The following PPP1R12B variants were observed in gnomAD, a reference collection of about 807,000 sequenced individuals.
The protein encoded by PPP1R12B is myosin phosphatase target subunit 2.
A neutral mutation model predicts 126.1 loss-of-function variants in PPP1R12B; 76 were observed. The observed-to-expected ratio is 0.60, with a 90% confidence interval of 0.50 to 0.73. PPP1R12B has a LOEUF of 0.73. Ranked by LOEUF, PPP1R12B falls within the 30% of genes least tolerant of loss-of-function variation. The pLI, the probability that PPP1R12B is intolerant of heterozygous loss-of-function variation, is 0.00. For synonymous variants in PPP1R12B, 356 were observed against 434.7 expected (o/e 0.82, Z 2.25); for missense variants, 1,052 against 1,205.1 (o/e 0.87, Z 1.88).
At chr1:202,447,759 A>C (rs1327329391) in intron 12 of PPP1R12B, among the ~76,000 whole-genome samples, 2 of 152,224 alleles carry the variant, frequency 1.3e-5, no homozygotes, top group East Asian at 3.8e-4. Flanking sequence ...AAAGAACTTC[A>C]GGTAAGGTTT....
At chr1:202,492,093 C>T (rs1458796662) in intron 14 of PPP1R12B, among the ~76,000 whole-genome samples, 1 of 152,136 alleles carries the variant, frequency 6.6e-6, no homozygotes, top group East Asian at 1.9e-4. Flanking sequence ...TGCCTTTTCT[C>T]CCTCCCCCTA....
chr1:202,392,450 G>A (rs560960633), intron 1 of PPP1R12B, among the ~76,000 whole-genome samples: 6 of 152,196 alleles, frequency 3.9e-5, no homozygotes, highest in African/African-American at 1.4e-4. Context: ...GTAGGTTGGT[G>A]GTTGCTTAGG....
chr1:202,433,819 C>T (rs1301594836), intron 8 of PPP1R12B, among the ~76,000 whole-genome samples: 2 of 152,186 alleles, frequency 1.3e-5, no homozygotes, highest in African/African-American at 4.8e-5. Context: ...TGTTTATGTC[C>T]CTCTAGCACT....
chr1:202,402,795 C>T (rs1282705506), intron 1 of PPP1R12B, among the ~76,000 whole-genome samples: 1 of 152,124 alleles, frequency 6.6e-6, no homozygotes, highest in East Asian at 1.9e-4. Flanking sequence ...AGACATTTGT[C>T]AAAACTTAGT....
chr1:202,551,716 G>T (rs919366637), intron 18 of PPP1R12B, among the ~76,000 whole-genome samples: 4 of 152,206 alleles, frequency 2.6e-5, no homozygotes, highest in Non-Finnish European at 4.4e-5. Flanking sequence ...ACATGAGCCT[G>T]TGAAGGCAGA....
At chr1:202,445,190 A>C in intron 12 of PPP1R12B, 1 of 1,246,808 alleles carries the variant, frequency 8.0e-7, no homozygotes, top group Admixed American at 4.2e-5. Context: ...GCCCTGCACC[A>C]ATCAGTGCAA....
intron 1 of PPP1R12B, 126 bp from the exon 2 acceptor site, chr1:202,416,661 A>G (rs930355436): frequency 2.7e-5 from 22 of 804,094 alleles, no homozygotes; most frequent in Non-Finnish European, 3.3e-5. Context: ...TGGACACAGT[A>G]TGGAAGAAAT....
At chr1:202,531,550 A>C (rs74852889) in intron 18 of PPP1R12B, among the ~76,000 whole-genome samples, 2 of 152,184 alleles carry the variant, frequency 1.3e-5, no homozygotes, top group Non-Finnish European at 2.9e-5. Context: ...GAAAAGTATC[A>C]GTTGAAAATA....
intron 18 of PPP1R12B, among the ~76,000 whole-genome samples, chr1:202,545,630 T>C (rs1037363087): frequency 1.3e-5 from 2 of 152,204 alleles, no homozygotes; most frequent in African/African-American, 4.8e-5. Flanking sequence ...CCTCAAAGAA[T>C]TGGCAGTCTA....
rs377723124 is a variant in PPP1R12B, at chr1:202,438,305, C to A, written c.1458+281C>A. ...TTACCTAAAGCAAAAAATGGATCAG[C>A]AACATAAAAATTTCAGTATGGCGGA... On this transcript the variant is annotated intron_variant, in intron 10 of 23. Transcript: ENST00000608999. The A allele has an allele frequency of 1.3e-4, 196 of 1,489,220 alleles. No individual in the cohort carries two copies. The African/African-American group carries it at 1.9e-3, about 14-fold the overall frequency. 92.3% of individuals were successfully genotyped at this position (1,489,220 alleles called of 1,614,324 possible).
At chr1:202,543,666 G>A (rs866284110) in intron 18 of PPP1R12B, among the ~76,000 whole-genome samples, 2 of 152,182 alleles carry the variant, frequency 1.3e-5, no homozygotes, top group Non-Finnish European at 2.9e-5. Context: ...GAACCCGGAA[G>A]GCGGGGGTTG....
chr1:202,447,522 A>G (rs1342249516), intron 12 of PPP1R12B, among the ~76,000 whole-genome samples: 1 of 152,258 alleles, frequency 6.6e-6, no homozygotes, highest in Non-Finnish European at 1.5e-5. Flanking sequence ...CAGAGAGTCT[A>G]CATTTAAGCA....
Position 202,493,143 on chromosome 1 carries a change from A to T in PPP1R12B, c.1971A>T (p.Ala657=), listed in dbSNP as rs773836835. The change falls in exon 15 of 24, where the codon GCA becomes GCT. Residue 657 remains alanine (A), a synonymous_variant. Coordinates refer to ENST00000608999, the MANE Select transcript of PPP1R12B (RefSeq NM_002481.4). ...QGVTLTDLQE[A]ERTFSRSRAE... ...TCACCCTAACAGACCTTCAAGAAGC[A>T]GAAAGGACATTCAGCCGGTCGAGGG... The T allele has an allele frequency of 3.1e-6, 5 of 1,612,084 alleles. No individual in the cohort carries two copies. Among genetic ancestry groups the T allele is most frequent in the Non-Finnish European group, 4.2e-6 (5 of 1,179,834 alleles).
intron 2 of PPP1R12B, among the ~76,000 whole-genome samples, chr1:202,421,301 CTTTTTTT>C (rs764287116): frequency 1.5e-5 from 2 of 136,770 alleles, no homozygotes; most frequent in African/African-American, 5.4e-5. Context: ...TTATCTCTCT[CTTTTTTT>C]TTTTTTTTTT....
At chr1:202,444,944 T>C (rs941576946) in intron 12 of PPP1R12B, 47 of 995,536 alleles carry the variant, frequency 4.7e-5, no homozygotes, top group Non-Finnish European at 5.9e-5. Flanking sequence ...CTTTCTTTGG[T>C]CTATATTCAT....
chr1:202,493,545 CCTT>C (rs1228479350), intron 15 of PPP1R12B, among the ~76,000 whole-genome samples: 3 of 152,036 alleles, frequency 2.0e-5, no homozygotes, highest in Non-Finnish European at 4.4e-5. Context: ...GAATAAATGT[CCTT>C]CTAGTCTAAA....
chr1:202,437,498 A>G (rs539996874), intron 9 of PPP1R12B, among the ~76,000 whole-genome samples: 94 of 152,328 alleles, frequency 6.2e-4, no homozygotes, highest in African/African-American at 2.0e-3. Context: ...AAGAAGGTAT[A>G]TTACTAGAAT....
At chr1:202,578,802 A>G (rs924229390) in intron 23 of PPP1R12B, among the ~76,000 whole-genome samples, 1 of 152,248 alleles carries the variant, frequency 6.6e-6, no homozygotes, top group Non-Finnish European at 1.5e-5. Context: ...CGAAAGTACA[A>G]AAATGGAAAT....
At chr1:202,526,438 G>A (rs1558333790) in intron 18 of PPP1R12B, among the ~76,000 whole-genome samples, 1 of 152,194 alleles carries the variant, frequency 6.6e-6, no homozygotes, top group Non-Finnish European at 1.5e-5. Flanking sequence ...TTTAAATTGA[G>A]ACCAATGAGC....
Sources: gnomAD v4.1 joint callset for allele counts (sites outside exome capture counted in the v4.1 genomes callset) on GRCh38, gnomAD v4.1.1 for gene constraint, MANE v1.5 for transcripts, NCBI Gene and HGNC (gene_info 2026-07-23, HGNC 2026-07-21) for gene names.